Variants in SEMA5A observed in about 807,000 individuals in gnomAD.
SEMA5A encodes semaphorin 5A.
Under a neutral mutation model 135.5 loss-of-function variants are expected in SEMA5A, and 55 were observed. The observed-to-expected ratio is 0.41, with a 90% CI of 0.33 to 0.51. The LOEUF (loss-of-function observed/expected upper bound fraction) is 0.51. SEMA5A is among the 20% of genes least tolerant of loss of function. The probability of loss-of-function intolerance (pLI) is 0.37; values close to 1 mark genes in which losing one functional copy is unlikely to be tolerated. For synonymous variants in SEMA5A, 580 were observed against 546.5 expected (o/e 1.06, Z -0.85); for missense variants, 1,290 against 1,419.9 (o/e 0.91, Z 1.47).
At position 9,108,262 on chromosome 5, in the gene SEMA5A, G is replaced by A; in HGVS notation, c.1951C>T (p.Pro651Ser). 6.2e-7 allele frequency: 1 copy of A among 1,614,146 alleles called. No homozygotes were observed. Among genetic ancestry groups the A allele is most frequent in the Non-Finnish European group, 8.5e-7 (1 of 1,180,044 alleles). The change falls in exon 16 of 23, where the codon CCC becomes TCC. Residue 651 changes from proline (P) to serine (S), a missense_variant. By Grantham distance (74) the Pro-to-Ser change is moderately conservative. Transcript: ENST00000382496. ...CAGCCTGTCCAGAACATGTGTGGGG[G>A]ACATAGCAAATGTTCATTGCAGTAT... ...ERYCNEHLLC[P>S]PHMFWTGWGP...
In SEMA5A at chr5:9,385,109, C is replaced by T. The variant is rs144336691; in HGVS notation, c.-77-5086G>A. 6.6e-3 allele frequency among the ~76,000 whole-genome samples: 1,012 copies of T among 152,222 alleles called. 13 individuals are homozygous for T. The highest frequency in any genetic ancestry group is 0.024 in the African/African-American group (987 of 41,528). ...AGACAACATATAAGCATTTTTGGTG[C>T]GTCTACTTCAAAACCCCTGAAACCC... is the stretch of plus-strand genomic sequence containing the variant. On this transcript the variant is annotated intron_variant, in intron 2 of 22. Transcript: ENST00000382496.
At chr5:9,189,789 T>C (rs1744999617) in intron 11 of SEMA5A, among the ~76,000 whole-genome samples, 1 of 152,268 alleles carries the variant, frequency 6.6e-6, no homozygotes, top group Admixed American at 6.5e-5. Flanking sequence ...TTGCTGTAAA[T>C]GTTCCATTAT....
intron 1 of SEMA5A, among the ~76,000 whole-genome samples, chr5:9,544,432 T>C (rs422722): frequency 0.37 from 56,561 of 151,820 alleles, 10,692 homozygotes; most frequent in African/African-American, 0.4. Flanking sequence ...AGTTAGAGCA[T>C]TTATGTCTGG....
intron 1 of SEMA5A, among the ~76,000 whole-genome samples, chr5:9,491,454 A>G (rs865984016): frequency 1.3e-5 from 2 of 151,782 alleles, no homozygotes; most frequent in African/African-American, 4.8e-5. Flanking sequence ...CCAGCCACAC[A>G]ACCCACATCA....
intron 5 of SEMA5A, among the ~76,000 whole-genome samples, chr5:9,277,317 A>T (rs965423637): frequency 6.6e-6 from 1 of 152,218 alleles, no homozygotes; most frequent in Non-Finnish European, 1.5e-5. Context: ...AGGAAACAAC[A>T]GATGCTGGAG....
intron 2 of SEMA5A, among the ~76,000 whole-genome samples, chr5:9,417,664 G>A (rs1757326455): frequency 1.3e-5 from 2 of 152,264 alleles, no homozygotes; most frequent in South Asian, 2.1e-4. Flanking sequence ...TCTGTGCCTT[G>A]TCTTTATCAC....
chr5:9,103,556 C>T (rs1298232437), intron 16 of SEMA5A, among the ~76,000 whole-genome samples: 3 of 152,090 alleles, frequency 2.0e-5, no homozygotes, highest in Non-Finnish European at 4.4e-5. Context: ...CCCCTGTGCT[C>T]CCTGTTGCTC....
At chr5:9,130,787 G>T (rs370114972) in intron 13 of SEMA5A, among the ~76,000 whole-genome samples, 1 of 152,230 alleles carries the variant, frequency 6.6e-6, no homozygotes, top group East Asian at 1.9e-4. Flanking sequence ...GGTGATGACC[G>T]TGTCACCCCT....
chr5:9,423,246 A>C (rs1579515701), intron 2 of SEMA5A, among the ~76,000 whole-genome samples: 1 of 152,246 alleles, frequency 6.6e-6, no homozygotes, highest in East Asian at 1.9e-4. Context: ...GTGCTAAAAA[A>C]TCACGAATTT....
chr5:9,080,556 G>A (rs1369810054), intron 16 of SEMA5A, among the ~76,000 whole-genome samples: 2 of 145,620 alleles, frequency 1.4e-5, no homozygotes, highest in East Asian at 2.0e-4. Context: ...AAAAAAAACT[G>A]AATGAACTTA....
At chr5:9,421,729 T>A (rs1382657246) in intron 2 of SEMA5A, among the ~76,000 whole-genome samples, 1 of 152,228 alleles carries the variant, frequency 6.6e-6, no homozygotes, top group Non-Finnish European at 1.5e-5. Context: ...GTCAGAAGAA[T>A]GATATCTCAT....
intron 4 of SEMA5A, among the ~76,000 whole-genome samples, chr5:9,319,080 T>C (rs1259740555): frequency 1.3e-5 from 2 of 152,122 alleles, no homozygotes; most frequent in African/African-American, 2.4e-5. Flanking sequence ...GGCTTATGCC[T>C]ATAGTCCCAG....
intron 12 of SEMA5A, among the ~76,000 whole-genome samples, chr5:9,152,383 G>T (rs1280706445): frequency 6.6e-6 from 1 of 152,150 alleles, no homozygotes; most frequent in Non-Finnish European, 1.5e-5. Context: ...CCTTCCCTAG[G>T]CTAGTTCTGC....
At chr5:9,248,116 T>C (rs1310796335) in intron 5 of SEMA5A, among the ~76,000 whole-genome samples, 1 of 152,160 alleles carries the variant, frequency 6.6e-6, no homozygotes, top group East Asian at 1.9e-4. Context: ...TAAAATATTG[T>C]CATTACTATT....
intron 16 of SEMA5A, among the ~76,000 whole-genome samples, chr5:9,068,011 AT>A (rs2150076010): frequency 6.6e-6 from 1 of 151,454 alleles, no homozygotes; most frequent in South Asian, 2.1e-4. Context: ...TGCTATTCTT[AT>A]TTTTTTGGTC....
intron 4 of SEMA5A, among the ~76,000 whole-genome samples, chr5:9,334,815 T>C (rs2150711943): frequency 6.6e-6 from 1 of 152,322 alleles, no homozygotes; most frequent in African/African-American, 2.4e-5. Context: ...ATATAAAAGG[T>C]TGTTATTTGG....
chr5:9,353,179 AGGAAGGGAAG>A (rs1165146642), intron 3 of SEMA5A, among the ~76,000 whole-genome samples: 9 of 38,854 alleles, frequency 2.3e-4, no homozygotes, highest in African/African-American at 7.5e-4. Context: ...AGGAAGGGAA[AGGAAGGGAAG>A]GGAAAGGAAA....
At chr5:9,342,574 T>TTA (rs1461335818) in intron 3 of SEMA5A, among the ~76,000 whole-genome samples, 7 of 152,156 alleles carry the variant, frequency 4.6e-5, no homozygotes, top group African/African-American at 1.7e-4. Flanking sequence ...GGAGAGCAAC[T>TTA]TACATAACAC....
intron 5 of SEMA5A, among the ~76,000 whole-genome samples, chr5:9,249,081 C>G (rs1469078056): frequency 2.0e-5 from 3 of 152,214 alleles, no homozygotes; most frequent in Non-Finnish European, 4.4e-5. Context: ...TACCAAACAT[C>G]TGGGCCAGGC....
Sources: gnomAD v4.1 joint callset for allele counts (sites outside exome capture counted in the v4.1 genomes callset) on GRCh38, gnomAD v4.1.1 for gene constraint, MANE v1.5 for transcripts, NCBI Gene and HGNC (gene_info 2026-07-23, HGNC 2026-07-21) for gene names.